Variants in TMIE observed in about 807,000 individuals in gnomAD.
The protein encoded by TMIE is transmembrane inner ear, also known as transmembrane inner ear expressed protein.
A neutral mutation model predicts 16.8 loss-of-function variants in TMIE; 14 were observed. That is an observed-to-expected ratio of 0.83 (90% CI 0.55 to 1.30). The LOEUF is 1.30. TMIE is among the 50% of genes most tolerant of loss of function. The pLI is 0.00. For missense variants in TMIE, 204 were observed against 205.9 expected (o/e 0.99, Z 0.06); for synonymous variants, 75 against 87.2 (o/e 0.86, Z 0.78).
chr3:46,706,127 T>A (rs1448686799), intron 2 of TMIE, among the ~76,000 whole-genome samples: 2 of 151,986 alleles, frequency 1.3e-5, no homozygotes, highest in Non-Finnish European at 2.9e-5. Flanking sequence ...CCCAGGGAGG[T>A]AGCCACATGG....
rs1223544938 is a variant in TMIE, at chr3:46,710,343, C to G, written c.*655C>G. 1 of 160,650 alleles carries G rather than the reference C, an allele frequency of 6.2e-6. No homozygotes were observed. The highest frequency in any genetic ancestry group is 2.4e-5 in the African/African-American group (1 of 41,552). The allele number at this position is 160,650 out of a possible 1,614,324, so 10.0% of individuals were successfully genotyped here. The stretch of plus-strand genomic sequence containing the variant: ...CCTCATTTCACACGTTGTGATGAAG[C>G]TGAGGCTGCTGCCAGGCCCGGCATG... On this transcript the variant is annotated 3_prime_UTR_variant, in exon 4 of 4. Coordinates refer to ENST00000643606, the MANE Select transcript of TMIE (RefSeq NM_147196.3).
chr3:46,702,714 C>T (rs1049513070), intron 1 of TMIE, among the ~76,000 whole-genome samples: 3 of 152,072 alleles, frequency 2.0e-5, no homozygotes, highest in African/African-American at 7.3e-5. Context: ...GGACACAGCC[C>T]TGAACTGGAG....
intron 2 of TMIE, among the ~76,000 whole-genome samples, chr3:46,706,743 G>A (rs572793804): frequency 2.0e-5 from 3 of 152,312 alleles, no homozygotes; most frequent in Admixed American, 1.3e-4. Flanking sequence ...GGGAAGGCTG[G>A]AAAGGCATTC....
chr3:46,699,054 T>TTTC (rs1204941579), upstream of TMIE, among the ~76,000 whole-genome samples: 1 of 134,054 alleles, frequency 7.5e-6, no homozygotes, highest in Non-Finnish European at 1.6e-5. Flanking sequence ...TCAAATGGTG[T>TTTC]TTCTTATTTT....
intron 1 of TMIE, among the ~76,000 whole-genome samples, chr3:46,695,183 C>T (rs1700381029): frequency 6.6e-6 from 1 of 152,222 alleles, no homozygotes; most frequent in Non-Finnish European, 1.5e-5. Flanking sequence ...CACAGCCTGG[C>T]AGAGCCACCG....
At position 46,705,874 on chromosome 3, in the gene TMIE, G is replaced by C; in HGVS notation, c.178G>C (p.Val60Leu). The part of the protein sequence containing the change: ...VFWDMRLWHV[V>L]GIFSLFVLSI... The stretch of plus-strand genomic sequence containing the variant: ...CTGGGACATGCGCCTGTGGCACGTG[G>C]TGGGCATCTTTTCGCTCTTCGTGTT... The change falls in exon 2 of 4, where the codon GTG becomes CTG. Residue 60 changes from valine to leucine, a missense_variant. By Grantham distance (32) the Val-to-Leu change is conservative (BLOSUM62 1). Coordinates refer to ENST00000643606, the MANE Select transcript of TMIE (RefSeq NM_147196.3). The C allele has an allele frequency of 1.2e-6, 2 of 1,614,132 alleles. No homozygotes were observed. Among genetic ancestry groups the C allele is most frequent in the Non-Finnish European group, 1.7e-6 (2 of 1,180,042 alleles).
rs535330377 is a variant in TMIE, at chr3:46,709,116, C to T, written c.212-10C>T. The T allele has an allele frequency of 8.1e-6, 13 of 1,613,918 alleles. No individual in the cohort carries two copies. The highest frequency in any genetic ancestry group is 1.1e-5 in the Non-Finnish European group (13 of 1,180,046). ...CAGCCCCAGCCAAGCCTGCTCTGTCCTCCCTACAGTCATCACGCTGTGCTG... is the reference window on the plus strand; with the variant it reads ...CAGCCCCAGCCAAGCCTGCTCTGTCTTCCCTACAGTCATCACGCTGTGCTG... On this transcript the variant is annotated splice_polypyrimidine_tract_variant and intron_variant, in intron 2 of 3. Transcript: ENST00000643606.
upstream of TMIE, among the ~76,000 whole-genome samples, chr3:46,697,477 G>A (rs1700421221): frequency 6.6e-6 from 1 of 152,180 alleles, no homozygotes; most frequent in African/African-American, 2.4e-5. Context: ...GCATGCCCAG[G>A]AGGGCATGGA....
chr3:46,703,284 G>A lies in TMIE; in HGVS notation c.93+1704G>A, dbSNP rs774132936. On this transcript the variant is annotated intron_variant, in intron 1 of 3. Coordinates refer to ENST00000643606, the MANE Select transcript of TMIE (RefSeq NM_147196.3). The stretch of plus-strand genomic sequence containing the variant: ...AGAAGACCAGCTGTCATCTGCTGCC[G>A]TCCACCCAAGACCCCTATCAGTAAG... Among the ~76,000 whole-genome samples, 5 of 152,044 alleles carry A rather than the reference G, an allele frequency of 3.3e-5. No homozygotes were observed. In the South Asian group the frequency reaches 6.2e-4, roughly 19 times the overall value.
At chr3:46,704,236 TCCCTAGACACCCAGGGTGGACCATGTC>T (rs1303830076) in intron 1 of TMIE, among the ~76,000 whole-genome samples, 5 of 136,426 alleles carry the variant, frequency 3.7e-5, no homozygotes, top group East Asian at 4.5e-4. Flanking sequence ...GCGGACCATG[TCCCTAGACACCCAGGGTGGACCATGTC>T]CCCTAGACAC....
chr3:46,705,747 G>A (rs1265859841), intron 1 of TMIE, 43 bp from the exon 2 acceptor site: 3 of 1,581,274 alleles, frequency 1.9e-6, no homozygotes, highest in Non-Finnish European at 2.6e-6. Flanking sequence ...GTTCCAGCCA[G>A]CTGGCCTCTG....
At position 46,709,046 on chromosome 3, in the gene TMIE, C is replaced by T. The variant is rs1014452007; in HGVS notation, c.212-80C>T. ...TGAGACACATGTGGGTGGATGGGGG[C>T]GGGCCTGAAGGAAGGCGGATGCCAT... On this transcript the variant is annotated intron_variant, in intron 2 of 3. Coordinates refer to ENST00000643606, the MANE Select transcript of TMIE (RefSeq NM_147196.3). 12 of 1,577,216 alleles carry T rather than the reference C, an allele frequency of 7.6e-6. 1 individual carries two copies. Among genetic ancestry groups the T allele is most frequent in the South Asian group, 1.1e-5 (1 of 89,614 alleles).
Position 46,701,425 on chromosome 3 carries a change from G to C in TMIE, c.-63G>C. 7.5e-7 allele frequency: 1 copy of C among 1,340,388 alleles called. No homozygotes were observed. The allele number at this position is 1,340,388 out of a possible 1,614,324, so 83.0% of individuals were successfully genotyped here. On this transcript the variant is annotated 5_prime_UTR_variant, in exon 1 of 4. Transcript: ENST00000643606. This position sits in a 1 kb window ranked among gnomAD's most constrained non-coding sequence, Gnocchi z 4.3. ...GTGGCCACCGAGCGCCGGCTGGCAG[G>C]GGCAGTGACCGGCGGCCGGCCCGTT... is the stretch of plus-strand genomic sequence containing the variant.
At chr3:46,701,050 A>T (rs887157706), upstream of TMIE, among the ~76,000 whole-genome samples, 1 of 149,612 alleles carries the variant, frequency 6.7e-6, no homozygotes, top group Non-Finnish European at 1.5e-5. The surrounding 1 kb of genome is among the most constrained non-coding windows in gnomAD (Gnocchi z 4.3). Flanking sequence ...CCAAACTCAA[A>T]TCCAGTATAT....
intron 2 of TMIE, among the ~76,000 whole-genome samples, chr3:46,706,604 G>C (rs1700555781): frequency 6.6e-6 from 1 of 152,164 alleles, no homozygotes; most frequent in Admixed American, 6.5e-5. Flanking sequence ...AAGCAGAGTG[G>C]GGGGGAATGT....
At chr3:46,704,219 AC>A (rs1394150274) in intron 1 of TMIE, among the ~76,000 whole-genome samples, 1 of 139,280 alleles carries the variant, frequency 7.2e-6, no homozygotes, top group Non-Finnish European at 1.5e-5. Flanking sequence ...TCCCCTAGAC[AC>A]CCAGGGCGGA....
chr3:46,704,941 C>G (rs1332135058), intron 1 of TMIE, among the ~76,000 whole-genome samples: 2 of 152,024 alleles, frequency 1.3e-5, no homozygotes, highest in African/African-American at 4.8e-5. Context: ...CTGGGCAGAA[C>G]TATGTCCCCT....
upstream of TMIE, among the ~76,000 whole-genome samples, chr3:46,699,992 C>G (rs1394960379): frequency 2.0e-5 from 3 of 152,264 alleles, no homozygotes; most frequent in Non-Finnish European, 2.9e-5. Context: ...GCCTCCCTGA[C>G]CCCATGTCCC....
Position 46,707,751 on chromosome 3 carries a change from G to A in TMIE, c.212-1375G>A, listed in dbSNP as rs532078933. ...GTGTTTGAGCCCGGCTCTGGCTGCC[G>A]TCAGTGGCCCACTGAGCTCCTTAGG... On this transcript the variant is annotated intron_variant, in intron 2 of 3. Coordinates refer to ENST00000643606, the MANE Select transcript of TMIE (RefSeq NM_147196.3). 2.5e-3 allele frequency among the ~76,000 whole-genome samples: 384 copies of A among 152,318 alleles called. 1 individual carries two copies. Among genetic ancestry groups the A allele is most frequent in the Middle Eastern group, 0.01 (3 of 294 alleles).
Sources: gnomAD v4.1 joint callset for allele counts (sites outside exome capture counted in the v4.1 genomes callset) on GRCh38, gnomAD v4.1.1 for gene constraint, Gnocchi (gnomAD v3.1) non-coding constraint, MANE v1.5 for transcripts, NCBI Gene and HGNC (gene_info 2026-07-23, HGNC 2026-07-21) for gene names.